Variants in ARID1B observed in about 807,000 individuals in gnomAD.
ARID1B encodes AT-rich interactive domain-containing protein 1B.
ARID1B carries 30 observed loss-of-function variants against 212.3 expected under a neutral mutation model. That is an observed-to-expected ratio of 0.14 (90% confidence interval 0.11 to 0.19). The LOEUF (loss-of-function observed/expected upper bound fraction) is 0.19. Ranked by LOEUF, ARID1B falls within the 10% of genes least tolerant of loss-of-function variation. The pLI is 1.00. For missense variants in ARID1B, 2,891 were observed against 3,204.0 expected, an observed-to-expected ratio of 0.90 and a Z score of 2.36; for synonymous variants, 1,402 against 1,301.7, an observed-to-expected ratio of 1.08 and a Z score of -1.66.
intron 4 of ARID1B, among the ~76,000 whole-genome samples, chr6:156,951,450 T>C (rs1294420395): frequency 2.7e-4 from 41 of 152,092 alleles, no homozygotes; most frequent in Admixed American, 2.6e-3. Flanking sequence ...TCTTTCTTTT[T>C]CTTTTTTTTT....
chr6:157,122,937 C>T (rs559097140), intron 6 of ARID1B, among the ~76,000 whole-genome samples: 15 of 152,340 alleles, frequency 9.8e-5, no homozygotes, highest in African/African-American at 3.1e-4. Flanking sequence ...CCGCCTCAGC[C>T]TCCCAAAGTA....
chr6:157,200,612 A>C lies in ARID1B; in HGVS notation c.4480-93A>C. On this transcript the variant is annotated intron_variant, in intron 17 of 19. Transcript: ENST00000636930. The surrounding 1 kb of genome is among the most constrained non-coding windows in gnomAD (Gnocchi z 4.3). The stretch of plus-strand genomic sequence containing the variant: ...TTCCCATATTCATTTTGAAATGAAC[A>C]TTCTAGCAGGTAATAACTATTTTGC... 7.1e-7 allele frequency: 1 copy of C among 1,403,170 alleles called. No homozygotes were observed. The highest frequency in any genetic ancestry group is 9.6e-7 in the Non-Finnish European group (1 of 1,042,736). The allele number at this position is 1,403,170 out of a possible 1,614,324, so 86.9% of individuals were successfully genotyped here.
chr6:157,188,235 T>A (rs928652710), intron 13 of ARID1B, among the ~76,000 whole-genome samples: 20 of 152,134 alleles, frequency 1.3e-4, no homozygotes, highest in African/African-American at 4.3e-4. Flanking sequence ...AAAACTTTTT[T>A]AAAAAAGTCA....
At chr6:156,941,066 T>C (rs923872553) in intron 4 of ARID1B, 5 of 152,140 alleles carry the variant, frequency 3.3e-5, no homozygotes, top group African/African-American at 1.2e-4. Context: ...TTATGAACAT[T>C]AAAAAAATTA....
intron 4 of ARID1B, among the ~76,000 whole-genome samples, chr6:156,997,505 T>C (rs1277653994): frequency 1.3e-5 from 2 of 152,214 alleles, no homozygotes; most frequent in Non-Finnish European, 2.9e-5. Context: ...TTTTCTCTTA[T>C]TATCTTATTA....
intron 4 of ARID1B, chr6:157,022,870 T>G (rs972253355): frequency 5.9e-5 from 9 of 152,326 alleles, no homozygotes; most frequent in Admixed American, 5.9e-4. Flanking sequence ...CAGTTTTCGG[T>G]GTTGATGTAG....
At chr6:157,189,914 T>A in intron 14 of ARID1B, 124 bp from the exon 15 acceptor site, 3 of 1,571,146 alleles carry the variant, frequency 1.9e-6, no homozygotes, top group Non-Finnish European at 2.6e-6. Context: ...CCAGTTTTCT[T>A]CATGTCATTT....
chr6:157,084,961 T>G, intron 5 of ARID1B, 56 bp downstream of exon 5: 1 of 1,543,132 alleles, frequency 6.5e-7, no homozygotes, highest in East Asian at 2.3e-5. Flanking sequence ...AGATTTCATG[T>G]TCATCAACAG....
At chr6:157,156,153 C>T (rs1256733541) in intron 8 of ARID1B, among the ~76,000 whole-genome samples, 2 of 152,156 alleles carry the variant, frequency 1.3e-5, no homozygotes, top group African/African-American at 4.8e-5. Context: ...GTAGTGGGGT[C>T]CATGTGCTAA....
At chr6:157,115,725 C>T (rs190357987) in intron 6 of ARID1B, among the ~76,000 whole-genome samples, 30 of 152,250 alleles carry the variant, frequency 2.0e-4, no homozygotes, top group Admixed American at 2.0e-3. Flanking sequence ...CCGCACCCAG[C>T]GGAACTTCTT....
At position 156,893,045 on chromosome 6, in the gene ARID1B, C is replaced by CTTTTTTTT. The variant is rs567719662; in HGVS notation, c.1987-8323_1987-8316dup. Among the ~76,000 whole-genome samples, 250 of 85,892 alleles carry CTTTTTTTT rather than the reference C, an allele frequency of 2.9e-3. 16 individuals are homozygous for CTTTTTTTT. The highest frequency in any genetic ancestry group is 7.4e-3 in the African/African-American group (157 of 21,310). 56.3% of individuals were successfully genotyped at this position (85,892 alleles called of 152,430 possible). A position where few individuals can be genotyped will look rare whatever the true frequency, so the allele number is the denominator to read the frequency against. ...AACTCTTTTTTTTTCTTTTTTCTTC[C>CTTTTTTTT]TTTTTTTTTTTTTTTGAGATGGAGT... On this transcript the variant is annotated intron_variant, in intron 2 of 19. Transcript: ENST00000636930.
chr6:156,849,588 T>C (rs907031566), intron 2 of ARID1B, among the ~76,000 whole-genome samples: 2 of 152,204 alleles, frequency 1.3e-5, no homozygotes, highest in South Asian at 4.1e-4. Context: ...GTGTAAATCG[T>C]TACAGTCTTT....
intron 3 of ARID1B, among the ~76,000 whole-genome samples, chr6:156,926,644 C>T (rs367906160): frequency 3.7e-4 from 56 of 152,266 alleles, no homozygotes; most frequent in African/African-American, 1.3e-3. Flanking sequence ...CCCTTCTCAT[C>T]CCCGTATCCC....
At chr6:157,070,934 T>C (rs1783971255) in intron 4 of ARID1B, among the ~76,000 whole-genome samples, 1 of 152,156 alleles carries the variant, frequency 6.6e-6, no homozygotes, top group South Asian at 2.1e-4. Context: ...ACCATAACAA[T>C]ATTGTTGGAG....
At chr6:156,966,386 C>CTTTTTTT (rs1214987532) in intron 4 of ARID1B, among the ~76,000 whole-genome samples, 85 of 38,904 alleles carry the variant, frequency 2.2e-3, no homozygotes, top group African/African-American at 5.3e-3. Flanking sequence ...CTTTTCTTTT[C>CTTTTTTT]TTTTTTTTTT....
chr6:156,873,263 AATT>A (rs1312581510), intron 2 of ARID1B, among the ~76,000 whole-genome samples: 1 of 152,200 alleles, frequency 6.6e-6, no homozygotes, highest in African/African-American at 2.4e-5. Flanking sequence ...TAGTTTATGT[AATT>A]ATGTGATTAA....
intron 3 of ARID1B, among the ~76,000 whole-genome samples, chr6:156,921,851 C>T (rs1790832568): frequency 1.3e-5 from 2 of 152,060 alleles, no homozygotes; most frequent in South Asian, 4.1e-4. Context: ...TTCTGTTTCT[C>T]TAGCTTTTTT....
chr6:157,089,855 G>C (rs1030764012), intron 5 of ARID1B, among the ~76,000 whole-genome samples: 1 of 151,922 alleles, frequency 6.6e-6, no homozygotes, highest in Admixed American at 6.5e-5. Context: ...ACATGATGCT[G>C]ATATTCTAGT....
At chr6:157,081,290 A>C (rs1482114100) in intron 4 of ARID1B, among the ~76,000 whole-genome samples, 2 of 152,188 alleles carry the variant, frequency 1.3e-5, no homozygotes, top group East Asian at 3.9e-4. Context: ...AAAGAAGAAT[A>C]GAGTTGGTGC....
Sources: allele counts gnomAD v4.1 joint callset (sites outside exome capture counted in the v4.1 genomes callset), GRCh38; gene constraint gnomAD v4.1.1; non-coding constraint Gnocchi (gnomAD v3.1); transcripts MANE v1.5; gene names NCBI Gene and HGNC (gene_info 2026-07-23, HGNC 2026-07-21).